The following C14orf132 variants were observed in gnomAD, a reference collection of about 807,000 sequenced individuals.
The protein encoded by C14orf132 is uncharacterized protein C14orf132.
C14orf132 carries 6 observed loss-of-function variants against 5.8 expected under a neutral mutation model. That is an observed-to-expected ratio of 1.03 (90% confidence interval 0.57 to 2.04). C14orf132 has a LOEUF of 2.04. Among genes scored for constraint, C14orf132 ranks in the 30% most tolerant of loss-of-function variants. The pLI, the probability that C14orf132 is intolerant of heterozygous loss-of-function variation, is 0.00. For missense variants in C14orf132, 125 were observed against 115.8 expected (o/e 1.08, Z -0.37); for synonymous variants, 51 against 49.8 (o/e 1.02, Z -0.10).
chr14:96,070,394 G>A (rs1395706222), intron 1 of C14orf132, among the ~76,000 whole-genome samples: 3 of 152,034 alleles, frequency 2.0e-5, no homozygotes, highest in East Asian at 1.9e-4. Context: ...ACCTATCACC[G>A]CCTCATTCTT....
chr14:96,057,034 A>G (rs1271964220), intron 1 of C14orf132, among the ~76,000 whole-genome samples: 1 of 152,184 alleles, frequency 6.6e-6, no homozygotes, highest in Non-Finnish European at 1.5e-5. Flanking sequence ...CAAGCATCAG[A>G]CACTTAATGG....
At chr14:96,056,933 C>T (rs186301505) in intron 1 of C14orf132, among the ~76,000 whole-genome samples, 6 of 152,228 alleles carry the variant, frequency 3.9e-5, no homozygotes, top group Non-Finnish European at 2.9e-5. Context: ...GCTCAAGGTC[C>T]CTCTCAAGCT....
At chr14:96,044,181 T>A (rs1886773225) in intron 1 of C14orf132, among the ~76,000 whole-genome samples, 1 of 152,238 alleles carries the variant, frequency 6.6e-6, no homozygotes, top group Non-Finnish European at 1.5e-5. Context: ...ATCATTATTC[T>A]TTTTTATTTT....
intron 1 of C14orf132, among the ~76,000 whole-genome samples, chr14:96,078,315 G>A (rs1013007609): frequency 3.3e-5 from 5 of 152,210 alleles, no homozygotes; most frequent in East Asian, 1.9e-4. Flanking sequence ...AGTAAAAATC[G>A]GGGATTCCCC....
intron 1 of C14orf132, among the ~76,000 whole-genome samples, chr14:96,083,002 C>T (rs1251796977): frequency 1.3e-5 from 2 of 152,126 alleles, no homozygotes; most frequent in Non-Finnish European, 2.9e-5. Flanking sequence ...CCCTCATTTC[C>T]CACGCTCTGA....
intron 1 of C14orf132, among the ~76,000 whole-genome samples, chr14:96,042,719 G>A (rs1287826901): frequency 3.3e-5 from 5 of 152,200 alleles, no homozygotes; most frequent in Admixed American, 2.6e-4. Context: ...GTGGCTGTAT[G>A]ACAGTGTAAG....
intron 1 of C14orf132, among the ~76,000 whole-genome samples, chr14:96,081,641 C>A (rs1888034774): frequency 6.6e-6 from 1 of 152,160 alleles, no homozygotes; most frequent in African/African-American, 2.4e-5. Context: ...CGCTGGCACG[C>A]AGACTGGAAA....
At chr14:96,075,127 G>A (rs982716182) in intron 1 of C14orf132, among the ~76,000 whole-genome samples, 38 of 152,246 alleles carry the variant, frequency 2.5e-4, no homozygotes, top group African/African-American at 7.9e-4. Context: ...GATCCTGCAC[G>A]TATTTTGTTA....
In C14orf132 at chr14:96,064,711, C is replaced by T. The variant is rs60988005; in HGVS notation, c.28-21800C>T. Among the ~76,000 whole-genome samples, 1,016 of 152,014 alleles carry T rather than the reference C, an allele frequency of 6.7e-3. 8 individuals are homozygous for T. Among genetic ancestry groups the T allele is most frequent in the African/African-American group, 0.023 (969 of 41,394 alleles). ...GAGGGGGCATAAAAGACTACAAATA[C>T]GGTGCAGTGTCTACTGCTCGGGTGA... On this transcript the variant is annotated intron_variant, in intron 1 of 1. Transcript: ENST00000555004.
At chr14:96,063,157 C>G (rs548967555) in intron 1 of C14orf132, among the ~76,000 whole-genome samples, 1 of 152,142 alleles carries the variant, frequency 6.6e-6, no homozygotes, top group Admixed American at 6.5e-5. Context: ...CAGCCGTTGA[C>G]TTGCAGCTGG....
chr14:96,049,229 T>G (rs1385423698), intron 1 of C14orf132, among the ~76,000 whole-genome samples: 1 of 152,222 alleles, frequency 6.6e-6, no homozygotes, highest in African/African-American at 2.4e-5. Flanking sequence ...AAAGCTGCTA[T>G]AAACATCTGT....
intron 1 of C14orf132, among the ~76,000 whole-genome samples, chr14:96,077,269 T>C (rs1045122151): frequency 1.3e-5 from 2 of 152,166 alleles, no homozygotes; most frequent in African/African-American, 4.8e-5. Flanking sequence ...ATTCTGGGTG[T>C]TTTGAATATT....
In C14orf132 at chr14:96,090,107, A is replaced by C. The variant is rs1437567076; in HGVS notation, c.*3372A>C. ...CTCTACAAGCAATTAGGTGATTCAA[A>C]AGAGCAACTTAGGCTGGGTGCAGTG... On this transcript the variant is annotated 3_prime_UTR_variant, in exon 2 of 2. Transcript: ENST00000555004. 1 of 155,654 alleles carries C rather than the reference A, an allele frequency of 6.4e-6. No homozygotes were observed. The highest frequency in any genetic ancestry group is 1.4e-5 in the Non-Finnish European group (1 of 70,680). The allele number at this position is 155,654 out of a possible 1,614,324, so 9.6% of individuals were successfully genotyped here. A position where few individuals can be genotyped will look rare whatever the true frequency, so the allele number is the denominator to read the frequency against.
At chr14:96,074,548 G>GTTT (rs11311729) in intron 1 of C14orf132, among the ~76,000 whole-genome samples, 26 of 145,496 alleles carry the variant, frequency 1.8e-4, no homozygotes, top group African/African-American at 4.5e-4. Flanking sequence ...TAAGGCATGA[G>GTTT]TTTTTTTTTT....
At chr14:96,080,807 G>A (rs1022708515) in intron 1 of C14orf132, among the ~76,000 whole-genome samples, 6 of 152,042 alleles carry the variant, frequency 3.9e-5, no homozygotes, top group Admixed American at 6.5e-5. Flanking sequence ...ATGCTACATG[G>A]TGCCCCGACA....
In C14orf132 at chr14:96,055,111, G is replaced by A. The variant is rs150466102; in HGVS notation, c.27+15584G>A. 1.5e-3 allele frequency among the ~76,000 whole-genome samples: 222 copies of A among 152,302 alleles called. 5 individuals are homozygous for A. The highest frequency in any genetic ancestry group is 0.013 in the Admixed American group (206 of 15,298). ...TGCAGACAGAAGACATGAGACTCCCGGAGTCAAAGGGCATTATTACTCACA... is the reference window on the plus strand; with the variant it reads ...TGCAGACAGAAGACATGAGACTCCCAGAGTCAAAGGGCATTATTACTCACA... On this transcript the variant is annotated intron_variant, in intron 1 of 1. Transcript: ENST00000555004.
chr14:96,044,212 T>C (rs1056589847), intron 1 of C14orf132, among the ~76,000 whole-genome samples: 35 of 152,356 alleles, frequency 2.3e-4, no homozygotes, highest in African/African-American at 8.4e-4. Context: ...CTTGTTCTGT[T>C]GCCCAGGATG....
At chr14:96,056,046 G>A (rs1887173041) in intron 1 of C14orf132, among the ~76,000 whole-genome samples, 1 of 152,214 alleles carries the variant, frequency 6.6e-6, no homozygotes, top group South Asian at 2.1e-4. Context: ...TAAAAAACAT[G>A]AAATGTTTGG....
chr14:96,068,876 A>G (rs1452912238), intron 1 of C14orf132, among the ~76,000 whole-genome samples: 3 of 151,922 alleles, frequency 2.0e-5, no homozygotes, highest in African/African-American at 4.8e-5. Context: ...CAATCTATGG[A>G]CCCAGTAAAG....
Sources: gnomAD v4.1 joint callset for allele counts (sites outside exome capture counted in the v4.1 genomes callset) on GRCh38, gnomAD v4.1.1 for gene constraint, MANE v1.5 for transcripts, NCBI Gene and HGNC (gene_info 2026-07-23, HGNC 2026-07-21) for gene names.